ZNF142: variants seen among roughly 807,000 people sequenced by gnomAD.
ZNF142 encodes the protein zinc finger protein 142 (clone pHZ-49).
In ZNF142, 96 loss-of-function variants were observed where a neutral mutation model predicts 132.1. The ratio of observed to expected loss-of-function variants is 0.73; its 90% CI spans 0.62 to 0.86. The LOEUF (loss-of-function observed/expected upper bound fraction) is 0.86. Ranked by LOEUF, ZNF142 falls within the 40% of genes least tolerant of loss-of-function variation. ZNF142 has a pLI of 0.00. For missense variants in ZNF142, 2,163 were observed against 2,336.2 expected, an observed-to-expected ratio of 0.93 and a Z score of 1.53; for synonymous variants, 842 against 890.1, an observed-to-expected ratio of 0.95 and a Z score of 0.96.
At position 218,643,480 on chromosome 2, in the gene ZNF142, G is replaced by A. The variant is rs1482524329; in HGVS notation, c.3636C>T (p.Pro1212=). Residue 1212 remains proline, a synonymous_variant, in exon 9 of 11, where the codon CCC becomes CCT. Coordinates refer to ENST00000411696, the MANE Select transcript of ZNF142 (RefSeq NM_001379659.1). Reference sequence around the variant, plus strand: ...AGCGGTGCTTCTTCAGGGCCTCTGTGGGTGAGGAGTTTCCTGCAGGAGGGA... The same window carrying A: ...AGCGGTGCTTCTTCAGGGCCTCTGTAGGTGAGGAGTTTCCTGCAGGAGGGA... ...DPVPPAGNSS[P]TEALKKHRFE... is the part of the protein sequence containing the mutation. The A allele has an allele frequency of 6.2e-7, 1 of 1,614,120 alleles. No homozygotes were observed. Among genetic ancestry groups the A allele is most frequent in the Non-Finnish European group, 8.5e-7 (1 of 1,179,992 alleles).
In ZNF142 at chr2:218,643,593, C is replaced by T. The variant is rs751369731; in HGVS notation, c.3523G>A (p.Ala1175Thr). 1 of 1,570,760 alleles carries T rather than the reference C, an allele frequency of 6.4e-7. No homozygotes were observed. Among genetic ancestry groups the T allele is most frequent in the Non-Finnish European group, 8.6e-7 (1 of 1,159,116 alleles). ...GGGTCAAAGCAGTGCTTCTTAGGGGCCTCTGTGGGCAAGGAGTTTCCTGCA... is the reference window on the plus strand; with the variant it reads ...GGGTCAAAGCAGTGCTTCTTAGGGGTCTCTGTGGGCAAGGAGTTTCCTGCA... ...PPAGNSLPTE[A>T]PKKHCFDPVP... is the part of the protein sequence containing the mutation. The change falls in exon 9 of 11, where the codon GCC becomes ACC. Residue 1175 changes from alanine (A) to threonine (T), a missense_variant. This residue lies in a region of ZNF142 where 809 missense variants were observed against 801.7 expected (regional missense o/e 1.01). Transcript: ENST00000411696.
At chr2:218,640,828 G>T in intron 9 of ZNF142, 59 bp from the exon 10 acceptor site, 1 of 1,361,866 alleles carries the variant, frequency 7.3e-7, no homozygotes, top group Non-Finnish European at 1.0e-6. Flanking sequence ...AATGTTAGCT[G>T]TTATTATCCA....
chr2:218,643,180 G>A lies in ZNF142; in HGVS notation c.3936C>T (p.Ser1312=). 1 of 1,614,248 alleles carries A rather than the reference G, an allele frequency of 6.2e-7. No homozygotes were observed. The highest frequency in any genetic ancestry group is 8.5e-7 in the Non-Finnish European group (1 of 1,180,046). ...TCCTCAGAGCCCGTTCCTGCTGGCAGCTAAAGGGACATGTAGGGCAGGAGA... is the reference window on the plus strand; with the variant it reads ...TCCTCAGAGCCCGTTCCTGCTGGCAACTAAAGGGACATGTAGGGCAGGAGA... ...ARFSCPTCPF[S]CQQERALRTH... is the part of the protein sequence containing the mutation. The change falls in exon 9 of 11, where the codon AGC becomes AGT. Residue 1312 remains serine, a synonymous_variant. Transcript: ENST00000411696.
Position 218,635,549 on chromosome 2 carries a change from G to C in ZNF142, c.*2790C>G, listed in dbSNP as rs1159403186. 6.6e-6 allele frequency among the ~76,000 whole-genome samples: 1 copy of C among 152,146 alleles called. No homozygotes were observed. Among genetic ancestry groups the C allele is most frequent in the Non-Finnish European group, 1.5e-5 (1 of 68,022 alleles). ...AGATAGGGTTTCACCATGTTGGCCA[G>C]GCTGGTCTCCTGGTTTCAAGTGATC... is the stretch of plus-strand genomic sequence containing the variant. On this transcript the variant is annotated 3_prime_UTR_variant, in exon 11 of 11. Coordinates refer to ENST00000411696, the MANE Select transcript of ZNF142 (RefSeq NM_001379659.1).
chr2:218,642,169 A>T lies in ZNF142; in HGVS notation c.4947T>A (p.Thr1649=), dbSNP rs1409201826. 6.2e-7 allele frequency: 1 copy of T among 1,614,076 alleles called. No homozygotes were observed. Among genetic ancestry groups the T allele is most frequent in the Admixed American group, 1.7e-5 (1 of 59,996 alleles). Reference sequence around the variant, plus strand: ...CACAATCGGTGCACTTGTAGAGACGAGTGCCCCCATGCCCTTTCACATGGT... The same window carrying T: ...CACAATCGGTGCACTTGTAGAGACGTGTGCCCCCATGCCCTTTCACATGGT... ...LDHHVKGHGG[T]RLYKCTDCAY... The change falls in exon 9 of 11, where the codon ACT becomes ACA. Residue 1649 remains threonine, a synonymous_variant. Coordinates refer to ENST00000411696, the MANE Select transcript of ZNF142 (RefSeq NM_001379659.1). This position sits in a 1 kb window ranked among gnomAD's most constrained non-coding sequence, Gnocchi z 4.6.
At chr2:218,645,169 A>G (rs1697628441) in intron 8 of ZNF142, 105 bp from the exon 9 acceptor site, 2 of 1,405,366 alleles carry the variant, frequency 1.4e-6, no homozygotes, top group Non-Finnish European at 1.9e-6. Context: ...TCAGTATCAT[A>G]CATGTGTCAC....
Position 218,633,876 on chromosome 2 carries a change from G to GT in ZNF142, c.*4462dup. On this transcript the variant is annotated 3_prime_UTR_variant, in exon 11 of 11. Transcript: ENST00000411696. Reference sequence around the variant, plus strand: ...AAGGTAGCTAAGGAGAGATGAAGGAGTTCAGAAACTCCTTAGAGCAGACAA... The same window carrying GT: ...AAGGTAGCTAAGGAGAGATGAAGGAGTTTCAGAAACTCCTTAGAGCAGACAA... The GT allele has an allele frequency of 8.9e-7, 1 of 1,121,236 alleles. No homozygotes were observed. The highest frequency in any genetic ancestry group is 1.3e-6 in the Non-Finnish European group (1 of 766,252). 69.5% of individuals were successfully genotyped at this position (1,121,236 alleles called of 1,614,324 possible). A position where few individuals can be genotyped will look rare whatever the true frequency, so the allele number is the denominator to read the frequency against.
At chr2:218,653,384 C>A (rs1938196950) in intron 4 of ZNF142, among the ~76,000 whole-genome samples, 1 of 151,850 alleles carries the variant, frequency 6.6e-6, no homozygotes, top group Non-Finnish European at 1.5e-5. Flanking sequence ...TTGAGACCAG[C>A]CTGACCAACA....
rs781382779 is a variant in ZNF142 at position 218,643,401 on chromosome 2, A to G, written c.3715T>C (p.Ser1239Pro). Residue 1239 changes from serine to proline, a missense_variant, in exon 9 of 11, where the codon TCC (serine) becomes CCC (proline). Coordinates refer to ENST00000411696, the MANE Select transcript of ZNF142 (RefSeq NM_001379659.1). The part of the protein sequence containing the change: ...NSCPFLCSRL[S>P]SITSHVAEGC... ...TCAGCCACGTGAGAGGTAATAGAGG[A>G]GAGCCGGGAACAAAGGAATGGGCAG... 6 of 1,614,188 alleles carry G rather than the reference A, an allele frequency of 3.7e-6. No individual in the cohort carries two copies. The highest frequency in any genetic ancestry group is 1.6e-4 in the Middle Eastern group (1 of 6,062).
chr2:218,642,840 C>T lies in ZNF142; in HGVS notation c.4276G>A (p.Gly1426Ser). 6.2e-7 allele frequency: 1 copy of T among 1,614,160 alleles called. No homozygotes were observed. The highest frequency in any genetic ancestry group is 1.1e-5 in the South Asian group (1 of 91,082). Reference protein sequence around the residue: ...EAHQSRHTGIGRIPCSSCPQT... With the variant: ...EAHQSRHTGISRIPCSSCPQT... ...GGGCAAGAGCTGCAGGGGATGCGGC[C>T]AATGCCTGTGTGTCGGGACTGGTGA... Residue 1426 changes from glycine (G) to serine (S), a missense_variant, in exon 9 of 11, where the codon GGC (glycine) becomes AGC (serine). Coordinates refer to ENST00000411696, the MANE Select transcript of ZNF142 (RefSeq NM_001379659.1). This position sits in a 1 kb window ranked among gnomAD's most constrained non-coding sequence, Gnocchi z 4.6.
Position 218,638,563 on chromosome 2 carries a change from T to C in ZNF142, c.5440A>G (p.Thr1814Ala). ...AAGAAGGGGTGGCGGTCGGTGTGGG[T>C]GAGGGCATGATGGCGCAGGCCAGCA... ...WAAGLRHHALTHTDRHPFFCR... is the reference protein window; with the variant it reads ...WAAGLRHHALAHTDRHPFFCR... Residue 1814 changes from threonine to alanine, a missense_variant, in exon 11 of 11, where the codon ACC becomes GCC. By Grantham distance (58) the Thr-to-Ala change is moderately conservative. Transcript: ENST00000411696. The C allele has an allele frequency of 6.2e-7, 1 of 1,611,718 alleles. No individual in the cohort carries two copies. Among genetic ancestry groups the C allele is most frequent in the South Asian group, 1.1e-5 (1 of 90,962 alleles).
At position 218,651,993 on chromosome 2, in the gene ZNF142, TG is replaced by T; in HGVS notation, c.587del (p.Pro196GlnfsTer19). The stretch of plus-strand genomic sequence containing the variant: ...CAGCAGAGAACACACAGCCAGATTC[TG>T]GGCAGGAGAAGGTGTCAGGAGTGCC... Reference protein sequence around the residue: ...HRGTPDTFSCPESGCVFSAED... With the variant: ...HRGTPDTFSCXESGCVFSAED... On this transcript the variant is annotated frameshift_variant, in exon 5 of 11. Transcript: ENST00000411696. LOFTEE classifies it high-confidence loss of function. The T allele has an allele frequency of 1.3e-6, 1 of 750,108 alleles. No individual in the cohort carries two copies. Among genetic ancestry groups the T allele is most frequent in the South Asian group, 1.4e-5 (1 of 70,468 alleles). 46.5% of individuals were successfully genotyped at this position (750,108 alleles called of 1,614,324 possible).
Position 218,642,096 on chromosome 2 carries a change from G to A in ZNF142, c.5020C>T (p.His1674Tyr). Residue 1674 changes from histidine to tyrosine, a missense_variant, in exon 9 of 11, where the codon CAC becomes TAC. Around this residue, in one of 7 missense-constraint regions of ZNF142, gnomAD observed 325 missense variants for 367.8 expected, o/e 0.88. Transcript: ENST00000411696. This position sits in a 1 kb window ranked among gnomAD's most constrained non-coding sequence, Gnocchi z 4.6. Reference sequence around the variant, plus strand: ...CAGTGGTAAGGCTTTTCCCCAGTGTGGATGCGGCTGTGCCAGGTGATCTTC... The same window carrying A: ...CAGTGGTAAGGCTTTTCCCCAGTGTAGATGCGGCTGTGCCAGGTGATCTTC... The part of the protein sequence containing the change: ...RQKITWHSRI[H>Y]TGEKPYHCHL... 6.2e-7 allele frequency: 1 copy of A among 1,614,192 alleles called. No homozygotes were observed. The highest frequency in any genetic ancestry group is 8.5e-7 in the Non-Finnish European group (1 of 1,180,024).
Position 218,648,886 on chromosome 2 carries a change from T to C in ZNF142, c.1622A>G (p.Tyr541Cys). 1 of 1,614,146 alleles carries C rather than the reference T, an allele frequency of 6.2e-7. No homozygotes were observed. The highest frequency in any genetic ancestry group is 8.5e-7 in the Non-Finnish European group (1 of 1,180,034). The change falls in exon 7 of 11, where the codon TAC becomes TGC. Residue 541 changes from tyrosine (Y) to cysteine (C), a missense_variant. Physicochemically the swap from Tyr to Cys is radical, Grantham distance 194. Coordinates refer to ENST00000411696, the MANE Select transcript of ZNF142 (RefSeq NM_001379659.1). ...ATCACAGTGGGGGCAGTGGAAGGCG[T>C]AGTGACTCTTGTGGTGGGCCTCCAT... ...EAMEAHHKSH[Y>C]AFHCPHCDFA...
chr2:218,656,473 C>G lies in ZNF142; in HGVS notation c.-34-10G>C. ...TTTGGCTTCTTAAATGCTGACAAGC[C>G]AACCAGAAGAAAAACAAAGTAAGGT... On this transcript the variant is annotated splice_polypyrimidine_tract_variant and intron_variant, in intron 3 of 10. Transcript: ENST00000411696. 1 of 1,422,238 alleles carries G rather than the reference C, an allele frequency of 7.0e-7. No individual in the cohort carries two copies. The highest frequency in any genetic ancestry group is 9.2e-7 in the Non-Finnish European group (1 of 1,081,150). The allele number at this position is 1,422,238 out of a possible 1,614,324, so 88.1% of individuals were successfully genotyped here.
intron 5 of ZNF142, 92 bp from the exon 6 acceptor site, chr2:218,650,618 C>T (rs1937894829): frequency 1.6e-6 from 2 of 1,255,876 alleles, no homozygotes; most frequent in South Asian, 1.7e-5. Context: ...AATAATCACC[C>T]TCTCCCACTT....
chr2:218,647,360 T>C (rs1003152048), intron 7 of ZNF142, among the ~76,000 whole-genome samples: 1 of 136,830 alleles, frequency 7.3e-6, no homozygotes, highest in Non-Finnish European at 1.5e-5. Flanking sequence ...GAGGTGGAGC[T>C]TGCAGTGAGC....
At position 218,636,703 on chromosome 2, in the gene ZNF142, A is replaced by G. The variant is rs1330875779; in HGVS notation, c.*1636T>C. On this transcript the variant is annotated 3_prime_UTR_variant, in exon 11 of 11. Coordinates refer to ENST00000411696, the MANE Select transcript of ZNF142 (RefSeq NM_001379659.1). The stretch of plus-strand genomic sequence containing the variant: ...TTTGGATTGTGCATTCCTAGGCACA[A>G]AATTACCTCATTCTTCCTAACAAGC... 4.0e-6 allele frequency: 4 copies of G among 995,038 alleles called. No individual in the cohort carries two copies. Among genetic ancestry groups the G allele is most frequent in the Middle Eastern group, 2.2e-4 (1 of 4,516 alleles). The allele number at this position is 995,038 out of a possible 1,614,324, so 61.6% of individuals were successfully genotyped here.
chr2:218,658,735 T>C lies in ZNF142; in HGVS notation c.-69A>G, dbSNP rs985069575. The C allele has an allele frequency of 6.6e-6, 1 of 152,150 alleles. No homozygotes were observed. The highest frequency in any genetic ancestry group is 6.6e-5 in the Admixed American group (1 of 15,264). 9.4% of individuals were successfully genotyped at this position (152,150 alleles called of 1,614,324 possible). A position where few individuals can be genotyped will look rare whatever the true frequency, so the allele number is the denominator to read the frequency against. Reference sequence around the variant, plus strand: ...TCGCTGTTCTGGGGAATCTTCAAGCTTGACCATACATGGCCTCCGGGGGGA... The same window carrying C: ...TCGCTGTTCTGGGGAATCTTCAAGCCTGACCATACATGGCCTCCGGGGGGA... On this transcript the variant is annotated 5_prime_UTR_variant, in exon 3 of 11. Transcript: ENST00000411696.
Sources: allele counts gnomAD v4.1 joint callset (sites outside exome capture counted in the v4.1 genomes callset), GRCh38; gene constraint gnomAD v4.1.1; regional missense constraint gnomAD v4.1.1; non-coding constraint Gnocchi (gnomAD v3.1); transcripts MANE v1.5; gene names NCBI Gene and HGNC (gene_info 2026-07-23, HGNC 2026-07-21).